CARNS1: variants seen among roughly 807,000 people sequenced by gnomAD.
CARNS1 encodes carnosine synthase 1, also known as ATP-grasp domain containing 1.
In CARNS1, 61 loss-of-function variants were observed where a neutral mutation model predicts 74.0. That is an observed-to-expected ratio of 0.82 (90% CI 0.67 to 1.02). CARNS1 has a LOEUF of 1.02. Ranked by LOEUF, CARNS1 falls within the 50% of genes least tolerant of loss-of-function variation. The probability of loss-of-function intolerance (pLI) is 0.00; values close to 1 mark genes in which losing one functional copy is unlikely to be tolerated. For synonymous variants in CARNS1, 568 were observed against 605.5 expected (o/e 0.94, Z 0.91); for missense variants, 1,278 against 1,308.4 (o/e 0.98, Z 0.36).
At chr11:67,418,607 C>T in intron 4 of CARNS1, 87 bp downstream of exon 4, 1 of 1,440,406 alleles carries the variant, frequency 6.9e-7, no homozygotes, top group Non-Finnish European at 9.2e-7. Context: ...TACCCGCCAA[C>T]CCTGGCAACT....
At position 67,424,892 on chromosome 11, in the gene CARNS1, C is replaced by CACACACACACACACA. The variant is rs1590964910; in HGVS notation, c.*291_*292insACACACACACACACA. On this transcript the variant is annotated 3_prime_UTR_variant, in exon 10 of 10. Coordinates refer to ENST00000687366, the MANE Select transcript of CARNS1 (RefSeq NM_001166222.2). ...ACACACACACACACACACACACACA[C>CACACACACACACACA]CTCTGACGCCAGCTCCCCAGGTGGG... is the stretch of plus-strand genomic sequence containing the variant. 34 of 610,434 alleles carry CACACACACACACACA rather than the reference C, an allele frequency of 5.6e-5. No homozygotes were observed. The highest frequency in any genetic ancestry group is 3.7e-4 in the Admixed American group (17 of 46,426). 37.8% of individuals were successfully genotyped at this position (610,434 alleles called of 1,614,324 possible).
In CARNS1 at chr11:67,420,736, G is replaced by T. The variant is rs1483302709; in HGVS notation, c.1241G>T (p.Arg414Leu). 8.0e-7 allele frequency: 1 copy of T among 1,254,950 alleles called. No individual in the cohort carries two copies. Among genetic ancestry groups the T allele is most frequent in the Non-Finnish European group, 1.0e-6 (1 of 1,003,610 alleles). 77.7% of individuals were successfully genotyped at this position (1,254,950 alleles called of 1,614,324 possible). A position where few individuals can be genotyped will look rare whatever the true frequency, so the allele number is the denominator to read the frequency against. ...EEAQVAAVRQ[R>L]VKAAAEAALA... The stretch of plus-strand genomic sequence containing the variant: ...GCGCAGGTGGCGGCTGTGCGGCAGC[G>T]CGTCAAGGCGGCGGCCGAGGCCGCG... The change falls in exon 8 of 10, where the codon CGC (arginine) becomes CTC (leucine). Residue 414 changes from arginine to leucine, a missense_variant. Transcript: ENST00000687366.
Position 67,419,220 on chromosome 11 carries a change from G to A in CARNS1, c.829G>A (p.Glu277Lys), listed in dbSNP as rs962127378. The A allele has an allele frequency of 4.0e-6, 6 of 1,488,932 alleles. No individual in the cohort carries two copies. The East Asian group carries it at 9.9e-5, about 25-fold the overall frequency. The allele number at this position is 1,488,932 out of a possible 1,614,324, so 92.2% of individuals were successfully genotyped here. ...KEEVEAFLRS[E>K]ALGDILQVAV... The stretch of plus-strand genomic sequence containing the variant: ...GGAAGTGGAGGCTTTTCTGCGCTCC[G>A]AGGCCCTGGGTGATATCCTGCAGGT... The change falls in exon 5 of 10, where the codon GAG becomes AAG. Residue 277 changes from glutamate (E) to lysine (K), a missense_variant. By Grantham distance (56) the Glu-to-Lys change is moderately conservative (BLOSUM62 1). Transcript: ENST00000687366.
intron 7 of CARNS1, among the ~76,000 whole-genome samples, chr11:67,420,267 C>G (rs979604986): frequency 6.6e-6 from 1 of 152,138 alleles, no homozygotes; most frequent in African/African-American, 2.4e-5. Context: ...AGAGATTCGA[C>G]CCTGCCCTCA....
chr11:67,418,513 G>C lies in CARNS1; in HGVS notation c.357G>C (p.Gln119His). ...FLPVLLEGGV[Q>H]SPGNMLLCLS... ...CTGTGCTGCTGGAGGGTGGGGTCCA[G>C]AGCCCGGGTGAGTGTATGCTCAAGT... The change falls in exon 4 of 10, where the codon CAG becomes CAC. Residue 119 changes from glutamine (Q) to histidine (H), a missense_variant. Transcript: ENST00000687366. 1.3e-6 allele frequency: 2 copies of C among 1,526,594 alleles called. No homozygotes were observed. Among genetic ancestry groups the C allele is most frequent in the East Asian group, 2.5e-5 (1 of 40,398 alleles). 94.6% of individuals were successfully genotyped at this position (1,526,594 alleles called of 1,614,324 possible). A position where few individuals can be genotyped will look rare whatever the true frequency, so the allele number is the denominator to read the frequency against.
chr11:67,424,956 G>A lies in CARNS1; in HGVS notation c.*355G>A, dbSNP rs1202089558. On this transcript the variant is annotated 3_prime_UTR_variant, in exon 10 of 10. Transcript: ENST00000687366. ...CCAGCCCCTCCTGTCCACCTCTCCAGGTCTCACTCTCTTCCTGCCATCTAC... is the reference window on the plus strand; with the variant it reads ...CCAGCCCCTCCTGTCCACCTCTCCAAGTCTCACTCTCTTCCTGCCATCTAC... The A allele has an allele frequency of 7.5e-6, 4 of 534,750 alleles. No homozygotes were observed. The highest frequency in any genetic ancestry group is 6.1e-5 in the South Asian group (4 of 65,258). 33.1% of individuals were successfully genotyped at this position (534,750 alleles called of 1,614,324 possible). A position where few individuals can be genotyped will look rare whatever the true frequency, so the allele number is the denominator to read the frequency against.
Position 67,421,200 on chromosome 11 carries a change from C to T in CARNS1, c.1607C>T (p.Ala536Val), listed in dbSNP as rs548198385. Residue 536 changes from alanine (A) to valine (V), a missense_variant, in exon 9 of 10, where the codon GCG (alanine) becomes GTG (valine). Ala to Val is a moderately conservative substitution (Grantham distance 64, BLOSUM62 0). Transcript: ENST00000687366. ...GVSKKFVWEA[A>V]RDYGLQLHLV... ...AGCAAGAAGTTCGTGTGGGAGGCGGCGCGCGACTACGGGCTCCAGGTGGGC... is the reference window on the plus strand; with the variant it reads ...AGCAAGAAGTTCGTGTGGGAGGCGGTGCGCGACTACGGGCTCCAGGTGGGC... The T allele has an allele frequency of 2.8e-5, 42 of 1,490,986 alleles. No homozygotes were observed. Among genetic ancestry groups the T allele is most frequent in the Admixed American group, 4.4e-5 (2 of 45,060 alleles). The allele number at this position is 1,490,986 out of a possible 1,614,324, so 92.4% of individuals were successfully genotyped here.
intron 2 of CARNS1, chr11:67,416,615 A>G: frequency 2.0e-6 from 2 of 1,025,532 alleles, no homozygotes; most frequent in East Asian, 1.0e-4. Flanking sequence ...CAAGGTCCAA[A>G]GAGACCTCAC....
chr11:67,416,233 G>GC (rs1863542358), intron 2 of CARNS1, 31 bp downstream of exon 2: 1 of 1,537,010 alleles, frequency 6.5e-7, no homozygotes, highest in African/African-American at 1.4e-5. Context: ...CCCCCACAAG[G>GC]CCCAAGTCCC....
chr11:67,420,702 G>C lies in CARNS1; in HGVS notation c.1207G>C (p.Gly403Arg), dbSNP rs1351713012. 1 of 1,266,974 alleles carries C rather than the reference G, an allele frequency of 7.9e-7. No homozygotes were observed. Among genetic ancestry groups the C allele is most frequent in the Non-Finnish European group, 9.9e-7 (1 of 1,009,202 alleles). The allele number at this position is 1,266,974 out of a possible 1,614,324, so 78.5% of individuals were successfully genotyped here. A position where few individuals can be genotyped will look rare whatever the true frequency, so the allele number is the denominator to read the frequency against. The change falls in exon 8 of 10, where the codon GGC (glycine) becomes CGC (arginine). Residue 403 changes from glycine (G) to arginine (R), a missense_variant. Gly to Arg is a moderately radical substitution (Grantham distance 125). Coordinates refer to ENST00000687366, the MANE Select transcript of CARNS1 (RefSeq NM_001166222.2). ...GGTGGCGCTGGCCCAGTGCGGCCTG[G>C]GCGAGGAGGCGCAGGTGGCGGCTGT... Reference protein sequence around the residue: ...LEVALAQCGLGEEAQVAAVRQ... With the variant: ...LEVALAQCGLREEAQVAAVRQ...
chr11:67,423,667 C>T lies in CARNS1; in HGVS notation c.1919C>T (p.Pro640Leu). 1 of 1,602,088 alleles carries T rather than the reference C, an allele frequency of 6.2e-7. No homozygotes were observed. Among genetic ancestry groups the T allele is most frequent in the Non-Finnish European group, 8.5e-7 (1 of 1,176,644 alleles). ...TQLHLLHHHG[P>L]PWPAPSLHAV... ...CTGCACCTGTTGCACCACCATGGCC[C>T]ACCCTGGCCTGCGCCCTCCCTCCAT... The change falls in exon 10 of 10, where the codon CCA becomes CTA. Residue 640 changes from proline (P) to leucine (L), a missense_variant. Transcript: ENST00000687366. This position sits in a 1 kb window ranked among gnomAD's most constrained non-coding sequence, Gnocchi z 5.1.
Position 67,416,222 on chromosome 11 carries a change from TC to T in CARNS1, c.3+25del. The T allele has an allele frequency of 6.5e-7, 1 of 1,536,160 alleles. No individual in the cohort carries two copies. Among genetic ancestry groups the T allele is most frequent in the Non-Finnish European group, 8.7e-7 (1 of 1,146,202 alleles). ...GAGATGGTGAGTCTTCTGTGGTCCCTCCCCCACAAGGCCCAAGTCCCTGGGC... is the reference window on the plus strand; with the variant it reads ...GAGATGGTGAGTCTTCTGTGGTCCCTCCCCACAAGGCCCAAGTCCCTGGGC... On this transcript the variant is annotated intron_variant, in intron 2 of 9. Transcript: ENST00000687366.
Position 67,420,766 on chromosome 11 carries a change from C to G in CARNS1, c.1271C>G (p.Ala424Gly), listed in dbSNP as rs1286262068. 4.5e-5 allele frequency: 56 copies of G among 1,240,894 alleles called. No homozygotes were observed. The highest frequency in any genetic ancestry group is 5.3e-5 in the Non-Finnish European group (53 of 995,426). The allele number at this position is 1,240,894 out of a possible 1,614,324, so 76.9% of individuals were successfully genotyped here. ...AAGGCGGCGGCCGAGGCCGCGCTGG[C>G]CGCCGTGCTGGCTCTGGAGGCCGGC... Reference protein sequence around the residue: ...RVKAAAEAALAAVLALEAGLS... With the variant: ...RVKAAAEAALGAVLALEAGLS... The change falls in exon 8 of 10, where the codon GCC (alanine) becomes GGC (glycine). Residue 424 changes from alanine (A) to glycine (G), a missense_variant. Physicochemically the swap from Ala to Gly is moderately conservative, Grantham distance 60. This residue lies in a region of CARNS1 where 1,164 missense variants were observed against 1,156.5 expected (regional missense o/e 1.01). Coordinates refer to ENST00000687366, the MANE Select transcript of CARNS1 (RefSeq NM_001166222.2).
At position 67,424,312 on chromosome 11, in the gene CARNS1, C is replaced by T. The variant is rs1024278452; in HGVS notation, c.2564C>T (p.Ala855Val). ...LRPALPTRPR[A>V]RGHLVGVMCL... ...CCTGCCCTGCCCACCCGCCCACGTGCTCGTGGCCATCTGGTGGGCGTCATG... is the reference window on the plus strand; with the variant it reads ...CCTGCCCTGCCCACCCGCCCACGTGTTCGTGGCCATCTGGTGGGCGTCATG... Residue 855 changes from alanine to valine, a missense_variant, in exon 10 of 10, where the codon GCT becomes GTT. Around this residue, in one of 3 missense-constraint regions of CARNS1, gnomAD observed 1,164 missense variants for 1,156.5 expected, o/e 1.01. Transcript: ENST00000687366. 2.5e-6 allele frequency: 4 copies of T among 1,611,506 alleles called. No homozygotes were observed. The African/African-American group carries it at 4.0e-5, about 16-fold the overall frequency.
chr11:67,419,434 C>G, intron 5 of CARNS1, 53 bp from the exon 6 acceptor site: 1 of 1,586,628 alleles, frequency 6.3e-7, no homozygotes. Flanking sequence ...AGTGCCCCAC[C>G]CTGCAGTACC....
intron 1 of CARNS1, 172 bp from the exon 2 acceptor site, chr11:67,416,004 C>G (rs912369341): frequency 6.3e-6 from 4 of 630,670 alleles, no homozygotes; most frequent in African/African-American, 1.8e-5. Context: ...TCGGTCTGGG[C>G]AGCAGAAATC....
chr11:67,418,037 G>A (rs886187453), intron 3 of CARNS1, among the ~76,000 whole-genome samples: 3 of 152,150 alleles, frequency 2.0e-5, no homozygotes, highest in Non-Finnish European at 4.4e-5. Context: ...GCCCCTCCAC[G>A]CCTGTTACAT....
intron 4 of CARNS1, 47 bp from the exon 5 acceptor site, chr11:67,418,709 G>A: frequency 6.6e-7 from 1 of 1,510,792 alleles, no homozygotes; most frequent in Non-Finnish European, 8.9e-7. Context: ...CCCGGGCATA[G>A]GGCATCAAGC....
intron 5 of CARNS1, 84 bp from the exon 6 acceptor site, chr11:67,419,403 C>T (rs763297087): frequency 6.5e-7 from 1 of 1,542,492 alleles, no homozygotes; most frequent in South Asian, 1.2e-5. Flanking sequence ...CCTCAGTTTA[C>T]TCACCGGCTC....
Sources: allele counts gnomAD v4.1 joint callset (sites outside exome capture counted in the v4.1 genomes callset), GRCh38; gene constraint gnomAD v4.1.1; regional missense constraint gnomAD v4.1.1; non-coding constraint Gnocchi (gnomAD v3.1); transcripts MANE v1.5; gene names NCBI Gene and HGNC (gene_info 2026-07-23, HGNC 2026-07-21).